SIPA1L2: variants seen among roughly 807,000 people sequenced by gnomAD.
The protein encoded by SIPA1L2 is signal induced proliferation associated 1 like 2.
A neutral mutation model predicts 163.9 loss-of-function variants in SIPA1L2; 56 were observed. That is an observed-to-expected ratio of 0.34 (90% CI 0.28 to 0.43). The LOEUF (loss-of-function observed/expected upper bound fraction) is 0.43, where lower values mean the gene tolerates loss of function less well. Ranked by LOEUF, SIPA1L2 falls within the 20% of genes least tolerant of loss-of-function variation. SIPA1L2 has a pLI of 1.00. For synonymous variants in SIPA1L2, 877 were observed against 865.7 expected, an observed-to-expected ratio of 1.01 and a Z score of -0.23; for missense variants, 1,974 against 2,193.5, an observed-to-expected ratio of 0.90 and a Z score of 2.00.
chr1:232,441,171 C>T, intron 14 of SIPA1L2, 120 bp downstream of exon 14: 1 of 720,216 alleles, frequency 1.4e-6, no homozygotes, highest in Non-Finnish European at 2.2e-6. Flanking sequence ...AACCTCACCT[C>T]TAAGAGCCCT....
Position 232,441,757 on chromosome 1 carries a change from T to C in SIPA1L2, c.3538+11A>G. 6.2e-7 allele frequency: 1 copy of C among 1,611,102 alleles called. No homozygotes were observed. The highest frequency in any genetic ancestry group is 1.7e-4 in the Middle Eastern group (1 of 6,058). ...AGCAAGGGAGGTCAATTTCCAGGAG[T>C]TCCTTATTACCCGGGTGCCTGCTTG... On this transcript the variant is annotated intron_variant, in intron 13 of 22. Transcript: ENST00000674635.
chr1:232,399,365 T>C (rs1660196637), intron 22 of SIPA1L2, 92 bp from the exon 23 acceptor site: 2 of 1,406,166 alleles, frequency 1.4e-6, no homozygotes, highest in African/African-American at 2.9e-5. Context: ...ATTCTTATTT[T>C]TACTTATGTA....
At chr1:232,489,315 T>C (rs549393983) in intron 5 of SIPA1L2, among the ~76,000 whole-genome samples, 3 of 152,186 alleles carry the variant, frequency 2.0e-5, no homozygotes, top group Non-Finnish European at 4.4e-5. Context: ...CCCACCCCGA[T>C]GTATCCTCTC....
At chr1:232,506,551 C>T (rs7533227) in intron 3 of SIPA1L2, among the ~76,000 whole-genome samples, 50,438 of 152,060 alleles carry the variant, frequency 0.33, 8,850 homozygotes, top group African/African-American at 0.42. Flanking sequence ...AGCCAAAAAA[C>T]GGTTAAATTG....
At chr1:232,623,309 A>G (rs1225278325) in intron 1 of SIPA1L2, among the ~76,000 whole-genome samples, 1 of 152,212 alleles carries the variant, frequency 6.6e-6, no homozygotes, top group African/African-American at 2.4e-5. Context: ...GATGCTTCTT[A>G]AACAGCTGAG....
intron 2 of SIPA1L2, among the ~76,000 whole-genome samples, chr1:232,559,003 T>C (rs139150738): frequency 7.2e-4 from 110 of 152,314 alleles, no homozygotes; most frequent in African/African-American, 2.5e-3. Flanking sequence ...AAGGCTACCA[T>C]GATATAAAAT....
chr1:232,563,955 T>TGTGTGTGTGTGTG (rs1558270699), intron 2 of SIPA1L2, among the ~76,000 whole-genome samples: 5 of 116,698 alleles, frequency 4.3e-5, no homozygotes, highest in Admixed American at 2.6e-4. Flanking sequence ...TTTTTTTTTT[T>TGTGTGTGTGTGTG]CGTGTGTGTG....
At chr1:232,551,150 T>C (rs1258917913) in intron 2 of SIPA1L2, among the ~76,000 whole-genome samples, 1 of 152,122 alleles carries the variant, frequency 6.6e-6, no homozygotes, top group Non-Finnish European at 1.5e-5. Context: ...GTAGGGCTGG[T>C]GGGAAGATTA....
At chr1:232,532,945 A>G (rs1657068292) in intron 2 of SIPA1L2, among the ~76,000 whole-genome samples, 1 of 152,086 alleles carries the variant, frequency 6.6e-6, no homozygotes, top group South Asian at 2.1e-4. Context: ...TCAAGACAAA[A>G]CCTGCCTTCT....
intron 1 of SIPA1L2, among the ~76,000 whole-genome samples, chr1:232,625,121 G>A (rs1013542702): frequency 1.3e-5 from 2 of 152,084 alleles, no homozygotes; most frequent in Non-Finnish European, 2.9e-5. Flanking sequence ...AGCAAAGGAG[G>A]TTTGACACAC....
chr1:232,561,852 G>A (rs1010060757), intron 2 of SIPA1L2, among the ~76,000 whole-genome samples: 2 of 152,174 alleles, frequency 1.3e-5, no homozygotes, highest in Non-Finnish European at 2.9e-5. Flanking sequence ...GGCAGCGTGT[G>A]GAATGCACCT....
chr1:232,553,425 C>T (rs565129451), intron 2 of SIPA1L2, among the ~76,000 whole-genome samples: 5 of 152,212 alleles, frequency 3.3e-5, no homozygotes, highest in South Asian at 4.1e-4. Flanking sequence ...GGCATGAAAA[C>T]GGGAATGCCT....
intron 18 of SIPA1L2, among the ~76,000 whole-genome samples, chr1:232,421,144 A>G (rs1661551271): frequency 6.6e-6 from 1 of 152,180 alleles, no homozygotes; most frequent in South Asian, 2.1e-4. Flanking sequence ...TTTTGGGCAC[A>G]GTTGGGTAGA....
In SIPA1L2 at chr1:232,432,375, T is replaced by A. The variant is rs1423141004; in HGVS notation, c.4128A>T (p.Gly1376=). 6.2e-7 allele frequency: 1 copy of A among 1,614,114 alleles called. No individual in the cohort carries two copies. Residue 1376 remains glycine (G), a synonymous_variant, in exon 16 of 23, where the codon GGA becomes GGT. Coordinates refer to ENST00000674635, the MANE Select transcript of SIPA1L2 (RefSeq NM_020808.5). ...SKVYIVSHSS[G]QQVPGSMSKP... ...TGGACATGGACCCGGGAACCTGTTG[T>A]CCGCTGCTGTGAGACACGATGTAGA...
In SIPA1L2 at chr1:232,564,235, C is replaced by CGT. The variant is rs59088753; in HGVS notation, c.-270+9937_-270+9938dup. Among the ~76,000 whole-genome samples the CGT allele has an allele frequency of 9.8e-3, 292 of 29,694 alleles. 7 individuals carry two copies. The highest frequency in any genetic ancestry group is 0.045 in the Middle Eastern group (1 of 22). 19.5% of individuals were successfully genotyped at this position (29,694 alleles called of 152,430 possible). A position where few individuals can be genotyped will look rare whatever the true frequency, so the allele number is the denominator to read the frequency against. On this transcript the variant is annotated intron_variant, in intron 2 of 22. Coordinates refer to ENST00000674635, the MANE Select transcript of SIPA1L2 (RefSeq NM_020808.5). ...GAACGACAAAGGTTTTTTTTTTTTT[C>CGT]GTGTGTGTGTGTGTGTGTGTGTGTG... is the stretch of plus-strand genomic sequence containing the variant.
intron 7 of SIPA1L2, among the ~76,000 whole-genome samples, chr1:232,477,679 T>C (rs1025820688): frequency 2.4e-4 from 37 of 152,206 alleles, no homozygotes; most frequent in Non-Finnish European, 4.0e-4. Context: ...TTTTTGCGCA[T>C]ACAATTTTTT....
At chr1:232,483,995 G>A in intron 5 of SIPA1L2, 29 bp from the exon 6 acceptor site, 1 of 1,588,526 alleles carries the variant, frequency 6.3e-7, no homozygotes, top group Non-Finnish European at 8.5e-7. Context: ...ATAATTACTT[G>A]GCAAAGCATA....
intron 1 of SIPA1L2, among the ~76,000 whole-genome samples, chr1:232,628,393 ACT>A (rs1663192986): frequency 1.3e-5 from 2 of 152,330 alleles, no homozygotes; most frequent in Middle Eastern, 3.4e-3. Flanking sequence ...CATGAATAAT[ACT>A]CTCTTATAAC....
chr1:232,612,260 G>A (rs975232559), intron 1 of SIPA1L2, among the ~76,000 whole-genome samples: 3 of 152,172 alleles, frequency 2.0e-5, no homozygotes, highest in Non-Finnish European at 4.4e-5. Flanking sequence ...AGTGTAAAAG[G>A]GAAATGTGTG....
Sources: gnomAD v4.1 joint callset for allele counts (sites outside exome capture counted in the v4.1 genomes callset) on GRCh38, gnomAD v4.1.1 for gene constraint, MANE v1.5 for transcripts, NCBI Gene and HGNC (gene_info 2026-07-23, HGNC 2026-07-21) for gene names.